FAXC: variants seen among roughly 807,000 people sequenced by gnomAD.
FAXC encodes failed axon connections homolog.
FAXC carries 10 observed loss-of-function variants against 41.9 expected under a neutral mutation model. That is an observed-to-expected ratio of 0.24 (90% CI 0.15 to 0.41). The LOEUF (loss-of-function observed/expected upper bound fraction) is 0.41, where lower values mean the gene tolerates loss of function less well. FAXC is among the 10% of genes least tolerant of loss of function. FAXC has a pLI of 1.00. For synonymous variants in FAXC, 183 were observed against 183.8 expected (o/e 1.00, Z 0.03); for missense variants, 399 against 510.9 (o/e 0.78, Z 2.11).
intron 2 of FAXC, chr6:99,334,501 G>A (rs1773146236): frequency 2.9e-5 from 12 of 408,750 alleles, no homozygotes; most frequent in Non-Finnish European, 3.6e-5. Flanking sequence ...TGGATCTCTA[G>A]ACATTATCCC....
intron 2 of FAXC, among the ~76,000 whole-genome samples, chr6:99,335,184 C>T (rs1351409992): frequency 6.6e-6 from 1 of 152,242 alleles, no homozygotes; most frequent in African/African-American, 2.4e-5. Context: ...CCACCCTTTC[C>T]CCTGATAACT....
At chr6:99,316,384 C>A (rs1029995689) in intron 4 of FAXC, among the ~76,000 whole-genome samples, 7 of 152,088 alleles carry the variant, frequency 4.6e-5, no homozygotes, top group African/African-American at 1.7e-4. Flanking sequence ...TACTCATCCC[C>A]CTCCCCCTGC....
intron 5 of FAXC, among the ~76,000 whole-genome samples, chr6:99,291,302 G>C (rs1771231785): frequency 6.6e-6 from 1 of 152,204 alleles, no homozygotes; most frequent in South Asian, 2.1e-4. Flanking sequence ...GATGTAGCTG[G>C]ATATACCAGA....
chr6:99,284,748 A>T (rs556734863), intron 5 of FAXC, among the ~76,000 whole-genome samples: 211 of 152,206 alleles, frequency 1.4e-3, no homozygotes, highest in African/African-American at 4.9e-3. Context: ...CCCCATCTCT[A>T]CTAAAAAATG....
chr6:99,339,514 A>G (rs1024158185), intron 2 of FAXC, among the ~76,000 whole-genome samples: 6 of 152,250 alleles, frequency 3.9e-5, no homozygotes, highest in African/African-American at 1.4e-4. Context: ...AGGGCAGTGC[A>G]CTGAATTATA....
chr6:99,325,066 A>G (rs1158972743), intron 3 of FAXC, among the ~76,000 whole-genome samples: 2 of 151,626 alleles, frequency 1.3e-5, no homozygotes, highest in African/African-American at 4.8e-5. Flanking sequence ...ATGGAATTGG[A>G]AAGTGTCAGA....
At chr6:99,316,158 C>CT (rs71780015) in intron 4 of FAXC, among the ~76,000 whole-genome samples, 1 of 51,658 alleles carries the variant, frequency 1.9e-5, no homozygotes, top group South Asian at 5.9e-4. Context: ...AACCCACTCG[C>CT]CCCCCCCCAC....
chr6:99,345,713 T>G (rs578008899), intron 1 of FAXC, among the ~76,000 whole-genome samples: 3 of 152,218 alleles, frequency 2.0e-5, no homozygotes, highest in African/African-American at 7.2e-5. Context: ...ATTCGCCAAC[T>G]AAATGCTCTA....
chr6:99,348,750 T>C (rs1773684372), intron 1 of FAXC, among the ~76,000 whole-genome samples: 1 of 152,230 alleles, frequency 6.6e-6, no homozygotes, highest in African/African-American at 2.4e-5. Context: ...TTATTACTTA[T>C]AAACAAGGCA....
At position 99,288,859 on chromosome 6, in the gene FAXC, T is replaced by TACACACACACACACACACACAC. The variant is rs55895848; in HGVS notation, c.940+2823_940+2844dup. 6.5e-3 allele frequency among the ~76,000 whole-genome samples: 944 copies of TACACACACACACACACACACAC among 145,830 alleles called. 9 individuals carry two copies. The highest frequency in any genetic ancestry group is 0.011 in the Middle Eastern group (3 of 282). The stretch of plus-strand genomic sequence containing the variant: ...ATGCACATGAATCGACACACACACA[T>TACACACACACACACACACACAC]ACACACACACACACACACACACACA... On this transcript the variant is annotated intron_variant, in intron 5 of 5. Transcript: ENST00000389677.
rs138750577 is a variant in FAXC, at chr6:99,305,006, T to C, written c.824-13186A>G. Among the ~76,000 whole-genome samples the C allele has an allele frequency of 5.9e-3, 894 of 152,306 alleles. 7 individuals are homozygous for C. Among genetic ancestry groups the C allele is most frequent in the African/African-American group, 0.02 (817 of 41,570 alleles). ...GTGAAGCAAAGCAGGGGAAATAGCCTGTGTAAAGGCACGAAGTTGCAGAAC... is the reference window on the plus strand; with the variant it reads ...GTGAAGCAAAGCAGGGGAAATAGCCCGTGTAAAGGCACGAAGTTGCAGAAC... On this transcript the variant is annotated intron_variant, in intron 4 of 5. Coordinates refer to ENST00000389677, the MANE Select transcript of FAXC (RefSeq NM_032511.4).
chr6:99,319,321 C>T (rs1772501272), intron 4 of FAXC, among the ~76,000 whole-genome samples: 1 of 151,894 alleles, frequency 6.6e-6, no homozygotes, highest in African/African-American at 2.4e-5. Context: ...ATGGCGTGAT[C>T]CCGCGAAGCG....
At chr6:99,319,400 A>G (rs1434372229) in intron 4 of FAXC, among the ~76,000 whole-genome samples, 1 of 133,178 alleles carries the variant, frequency 7.5e-6, no homozygotes, top group Non-Finnish European at 1.5e-5. Context: ...CTCCGTCTCA[A>G]AAAAAAAAAA....
rs1373150443 is a variant in FAXC at position 99,284,911 on chromosome 6, T to C, written c.941-3458A>G. On this transcript the variant is annotated intron_variant, in intron 5 of 5. Coordinates refer to ENST00000389677, the MANE Select transcript of FAXC (RefSeq NM_032511.4). ...CCTGGGAGATAAGAGTGAGCCTCTA[T>C]CTCAAAAAAAAAAAAAGCCTATACA... Among the ~76,000 whole-genome samples, 14 of 143,532 alleles carry C rather than the reference T, an allele frequency of 9.8e-5. 1 individual carries two copies. In the East Asian group the frequency reaches 2.8e-3, roughly 29 times the overall value. The allele number at this position is 143,532 out of a possible 152,430, so 94.2% of individuals were successfully genotyped here. A position where few individuals can be genotyped will look rare whatever the true frequency, so the allele number is the denominator to read the frequency against.
In FAXC at chr6:99,279,824, T is replaced by C. The variant is rs1205237167; in HGVS notation, c.*1340A>G. The C allele has an allele frequency of 6.6e-6, 1 of 152,206 alleles. No homozygotes were observed. The highest frequency in any genetic ancestry group is 2.4e-5 in the African/African-American group (1 of 41,440). The allele number at this position is 152,206 out of a possible 1,614,324, so 9.4% of individuals were successfully genotyped here. A position where few individuals can be genotyped will look rare whatever the true frequency, so the allele number is the denominator to read the frequency against. On this transcript the variant is annotated 3_prime_UTR_variant, in exon 6 of 6. Coordinates refer to ENST00000389677, the MANE Select transcript of FAXC (RefSeq NM_032511.4). ...TTAAGACTTGTTCTCAGCATTGCTCTCCTCTCACTGGGCAGTGGCTGAAAA... is the reference window on the plus strand; with the variant it reads ...TTAAGACTTGTTCTCAGCATTGCTCCCCTCTCACTGGGCAGTGGCTGAAAA...
rs748610778 is a variant in FAXC at position 99,318,304 on chromosome 6, C to CAAAAAAAAAAAA, written c.823+5139_823+5140insTTTTTTTTTTTT. 5.8e-5 allele frequency among the ~76,000 whole-genome samples: 6 copies of CAAAAAAAAAAAA among 104,138 alleles called. No individual in the cohort carries two copies. In the East Asian group the frequency reaches 8.2e-4, roughly 14 times the overall value. The allele number at this position is 104,138 out of a possible 152,430, so 68.3% of individuals were successfully genotyped here. Reference sequence around the variant, plus strand: ...ACACACACACACACACACACACACACACAAAATAGAAGAAATGGAAAATAT... The same window carrying CAAAAAAAAAAAA: ...ACACACACACACACACACACACACACAAAAAAAAAAAAACAAAATAGAAGAAATGGAAAATAT... On this transcript the variant is annotated intron_variant, in intron 4 of 5. Coordinates refer to ENST00000389677, the MANE Select transcript of FAXC (RefSeq NM_032511.4).
intron 4 of FAXC, among the ~76,000 whole-genome samples, chr6:99,314,180 T>C (rs1772248826): frequency 6.6e-6 from 1 of 152,036 alleles, no homozygotes; most frequent in African/African-American, 2.4e-5. Context: ...CACTAAGTTT[T>C]AATGTCCAGA....
chr6:99,312,950 T>C (rs1420449855), intron 4 of FAXC, among the ~76,000 whole-genome samples: 1 of 152,180 alleles, frequency 6.6e-6, no homozygotes, highest in East Asian at 1.9e-4. Flanking sequence ...ATATGCCAAT[T>C]TGATTGACAG....
At chr6:99,316,484 G>A (rs999663361) in intron 4 of FAXC, among the ~76,000 whole-genome samples, 2 of 152,162 alleles carry the variant, frequency 1.3e-5, no homozygotes, top group African/African-American at 4.8e-5. Flanking sequence ...GCTATAAGAG[G>A]GCCGCAATGT....
Sources: allele counts gnomAD v4.1 joint callset (sites outside exome capture counted in the v4.1 genomes callset), GRCh38; gene constraint gnomAD v4.1.1; transcripts MANE v1.5; gene names NCBI Gene and HGNC (gene_info 2026-07-23, HGNC 2026-07-21).